The following SUGCT variants were observed in gnomAD, a reference collection of about 807,000 sequenced individuals.
The protein encoded by SUGCT is succinyl-CoA:glutarate-CoA transferase.
A neutral mutation model predicts 55.0 loss-of-function variants in SUGCT; 41 were observed. The observed-to-expected ratio is 0.74, with a 90% CI of 0.58 to 0.97. The LOEUF is 0.97. Among genes scored for constraint, SUGCT ranks in the 50% least tolerant of loss-of-function variants. The probability of loss-of-function intolerance (pLI) is 0.00; values close to 1 mark genes in which losing one functional copy is unlikely to be tolerated. For missense variants in SUGCT, 568 were observed against 547.8 expected (o/e 1.04, Z -0.37); for synonymous variants, 187 against 200.4 (o/e 0.93, Z 0.56).
intron 6 of SUGCT, among the ~76,000 whole-genome samples, chr7:40,223,753 C>G (rs945240312): frequency 6.6e-6 from 1 of 152,116 alleles, no homozygotes; most frequent in Admixed American, 6.5e-5. Context: ...TACTTTTATT[C>G]TGTTCTTTCA....
At chr7:40,194,442 G>A (rs778870427) in intron 5 of SUGCT, among the ~76,000 whole-genome samples, 24 of 151,930 alleles carry the variant, frequency 1.6e-4, no homozygotes, top group Non-Finnish European at 2.6e-4. Flanking sequence ...TGTAGAGATG[G>A]GATTTTGCCA....
At chr7:40,920,523 G>A in the SUGCT span, among the ~76,000 whole-genome samples, 1 of 152,198 alleles carries the variant, frequency 6.6e-6, no homozygotes, top group Admixed American at 6.5e-5. Context: ...ATTTGGAAGC[G>A]AGGTGGTCCA....
intron 12 of SUGCT, among the ~76,000 whole-genome samples, chr7:40,719,075 C>T (rs770728412): frequency 2.0e-5 from 3 of 152,120 alleles, no homozygotes; most frequent in South Asian, 2.1e-4. Context: ...AGATAAAGCC[C>T]GATGCCCCGA....
intron 9 of SUGCT, among the ~76,000 whole-genome samples, chr7:40,333,480 T>C (rs988531942): frequency 1.3e-5 from 2 of 149,618 alleles, no homozygotes; most frequent in Non-Finnish European, 3.0e-5. Flanking sequence ...CTACTAAAAA[T>C]ATGAAAATTA....
chr7:40,403,360 A>G (rs575025844), intron 9 of SUGCT, among the ~76,000 whole-genome samples: 1 of 152,322 alleles, frequency 6.6e-6, no homozygotes, highest in African/African-American at 2.4e-5. Flanking sequence ...ATGAAAGCTG[A>G]GTAGTATTTT....
At chr7:40,951,809 T>C in the SUGCT span, among the ~76,000 whole-genome samples, 2 of 152,188 alleles carry the variant, frequency 1.3e-5, no homozygotes, top group Non-Finnish European at 2.9e-5. Context: ...TGCACTGTGG[T>C]CTGAGAGACA....
At chr7:40,265,882 C>T (rs769220998) in intron 7 of SUGCT, among the ~76,000 whole-genome samples, 8 of 152,116 alleles carry the variant, frequency 5.3e-5, no homozygotes, top group Non-Finnish European at 8.8e-5. Context: ...ACCTAGGAGG[C>T]GGAGGCTACA....
chr7:40,797,146 A>G (rs1054064641), intron 13 of SUGCT, among the ~76,000 whole-genome samples: 1 of 152,150 alleles, frequency 6.6e-6, no homozygotes, highest in African/African-American at 2.4e-5. Context: ...GTTCAATAGG[A>G]TAGAGAAAAG....
chr7:40,636,753 A>G (rs1270571976), intron 12 of SUGCT, among the ~76,000 whole-genome samples: 1 of 152,204 alleles, frequency 6.6e-6, no homozygotes, highest in Non-Finnish European at 1.5e-5. Context: ...TAAAATGCTT[A>G]AAAGGATACA....
At chr7:40,924,265 C>CGTGTGTGTGTGTGTGTGT in the SUGCT span, among the ~76,000 whole-genome samples, 2,021 of 136,058 alleles carry the variant, frequency 0.015, 31 homozygotes, top group South Asian at 0.051. Flanking sequence ...CTTTCAATTA[C>CGTGTGTGTGTGTGTGTGT]GTGTGTGTGT....
At chr7:40,903,708 G>T in the SUGCT span, among the ~76,000 whole-genome samples, 1 of 152,110 alleles carries the variant, frequency 6.6e-6, no homozygotes, top group South Asian at 2.1e-4. Flanking sequence ...TGGCACCCTG[G>T]GCTTTCAATG....
At chr7:40,954,612 C>A in the SUGCT span, among the ~76,000 whole-genome samples, 1 of 152,116 alleles carries the variant, frequency 6.6e-6, no homozygotes, top group Admixed American at 6.6e-5. Flanking sequence ...ATGATAGTTT[C>A]TTTTGCTGTG....
chr7:40,848,181 C>A (rs1793673448), intron 13 of SUGCT, among the ~76,000 whole-genome samples: 1 of 152,162 alleles, frequency 6.6e-6, no homozygotes, highest in African/African-American at 2.4e-5. Flanking sequence ...TTCCACCTAC[C>A]CAGAGAAACT....
chr7:40,957,718 GT>G, the SUGCT span, among the ~76,000 whole-genome samples: 6 of 151,904 alleles, frequency 3.9e-5, no homozygotes, highest in East Asian at 5.8e-4. Flanking sequence ...CAGTTAGCTG[GT>G]TATTTTGCCT....
At chr7:40,344,863 A>G (rs951175324) in intron 9 of SUGCT, among the ~76,000 whole-genome samples, 4 of 151,410 alleles carry the variant, frequency 2.6e-5, no homozygotes, top group African/African-American at 9.7e-5. Context: ...TTTTATGTAT[A>G]TTAAATTTTG....
intron 12 of SUGCT, among the ~76,000 whole-genome samples, chr7:40,531,144 C>T (rs1203274133): frequency 6.6e-6 from 1 of 152,132 alleles, no homozygotes; most frequent in Non-Finnish European, 1.5e-5. Context: ...TGACACCTTT[C>T]GAGAACCTTT....
intron 9 of SUGCT, among the ~76,000 whole-genome samples, chr7:40,408,686 AT>A (rs1207736584): frequency 6.6e-6 from 1 of 152,162 alleles, no homozygotes; most frequent in African/African-American, 2.4e-5. Context: ...GCTTTTTCTA[AT>A]TACGAAATGG....
the SUGCT span, among the ~76,000 whole-genome samples, chr7:40,926,616 T>C: frequency 6.6e-6 from 1 of 152,110 alleles, no homozygotes; most frequent in Non-Finnish European, 1.5e-5. Flanking sequence ...CAGTCCCTCA[T>C]GGTGAGATTA....
intron 7 of SUGCT, among the ~76,000 whole-genome samples, chr7:40,250,294 G>A (rs1790280837): frequency 6.6e-6 from 1 of 152,100 alleles, no homozygotes; most frequent in Non-Finnish European, 1.5e-5. Context: ...CAGCTACTCT[G>A]GAGGCTAAGG....
Sources: allele counts gnomAD v4.1 joint callset (sites outside exome capture counted in the v4.1 genomes callset), GRCh38; gene constraint gnomAD v4.1.1; transcripts MANE v1.5; gene names NCBI Gene and HGNC (gene_info 2026-07-23, HGNC 2026-07-21).